CLTCL1: variants seen among roughly 807,000 people sequenced by gnomAD.
CLTCL1 encodes the protein clathrin heavy chain 2.
CLTCL1 carries 159 observed loss-of-function variants against 190.0 expected under a neutral mutation model. That is an observed-to-expected ratio of 0.84 (90% CI 0.74 to 0.95). The LOEUF (loss-of-function observed/expected upper bound fraction) is 0.95. Ranked by LOEUF, CLTCL1 falls within the 40% of genes least tolerant of loss-of-function variation. The pLI, the probability that CLTCL1 is intolerant of heterozygous loss-of-function variation, is 0.00. For missense variants in CLTCL1, 1,878 were observed against 2,033.4 expected (o/e 0.92, Z 1.47); for synonymous variants, 752 against 769.6 (o/e 0.98, Z 0.38).
intron 2 of CLTCL1, among the ~76,000 whole-genome samples, chr22:19,261,816 T>C (rs1195790048): frequency 1.3e-5 from 2 of 152,194 alleles, no homozygotes; most frequent in Non-Finnish European, 2.9e-5. Flanking sequence ...GTGAACACTG[T>C]TGAAATTACT....
Position 19,183,575 on chromosome 22 carries a change from C to T in CLTCL1, c.4642G>A (p.Glu1548Lys). 1 of 1,613,764 alleles carries T rather than the reference C, an allele frequency of 6.2e-7. No individual in the cohort carries two copies. The highest frequency in any genetic ancestry group is 8.5e-7 in the Non-Finnish European group (1 of 1,179,898). The part of the protein sequence containing the change: ...MQHAAESRDA[E>K]LAQKLLQWFL... Reference sequence around the variant, plus strand: ...CACTGCAGCAACTTCTGGGCCAGCTCAGCATCCCGCGACTCTGCAGCATGC... The same window carrying T: ...CACTGCAGCAACTTCTGGGCCAGCTTAGCATCCCGCGACTCTGCAGCATGC... The change falls in exon 30 of 33, where the codon GAG becomes AAG. Residue 1548 changes from glutamate (E) to lysine (K), a missense_variant. Transcript: ENST00000427926.
intron 2 of CLTCL1, among the ~76,000 whole-genome samples, chr22:19,269,632 G>A (rs2518860): frequency 0.062 from 9,401 of 152,192 alleles, 349 homozygotes; most frequent in Middle Eastern, 0.16. Flanking sequence ...GTCCTTTGCA[G>A]GGACATGGAT....
intron 27 of CLTCL1, among the ~76,000 whole-genome samples, 165 bp downstream of exon 27, chr22:19,191,139 G>A (rs1332976307): frequency 2.0e-5 from 3 of 152,194 alleles, no homozygotes; most frequent in Non-Finnish European, 2.9e-5. Context: ...AGCATGATAC[G>A]GGAGGTATTC....
intron 24 of CLTCL1, 45 bp downstream of exon 24, chr22:19,199,689 G>T: frequency 6.9e-7 from 1 of 1,448,100 alleles, no homozygotes; most frequent in South Asian, 1.3e-5. Flanking sequence ...GGAGTGTTTA[G>T]GCATCACTTG....
intron 19 of CLTCL1, among the ~76,000 whole-genome samples, chr22:19,211,819 ATTG>A (rs2085237670): frequency 6.6e-6 from 1 of 150,386 alleles, no homozygotes. Flanking sequence ...AGCCAACATG[ATTG>A]ATTAAAAAAA....
chr22:19,198,456 C>T lies in CLTCL1; in HGVS notation c.3873+1278G>A, dbSNP rs2084779224. The stretch of plus-strand genomic sequence containing the variant: ...CATCCCAAGTACAGCCCGTGACCTT[C>T]CTAACGGCCTGAGATCTGGCCCTCC... On this transcript the variant is annotated intron_variant, in intron 24 of 32. Coordinates refer to ENST00000427926, the MANE Select transcript of CLTCL1 (RefSeq NM_007098.4). The surrounding 1 kb of genome is among the most constrained non-coding windows in gnomAD (Gnocchi z 4.1). Among the ~76,000 whole-genome samples the T allele has an allele frequency of 6.6e-6, 1 of 152,220 alleles. No homozygotes were observed. Among genetic ancestry groups the T allele is most frequent in the South Asian group, 2.1e-4 (1 of 4,828 alleles).
intron 1 of CLTCL1, among the ~76,000 whole-genome samples, chr22:19,280,820 A>G (rs1201299763): frequency 1.0e-5 from 1 of 97,740 alleles, no homozygotes; most frequent in Non-Finnish European, 2.3e-5. Flanking sequence ...CTCCATCTCA[A>G]AAAAAAAAAA....
chr22:19,225,662 C>A (rs560295886), intron 12 of CLTCL1, 29 bp from the exon 13 acceptor site: 222 of 1,527,934 alleles, frequency 1.5e-4, no homozygotes, highest in Non-Finnish European at 1.8e-4. Context: ...CTGTCCACAA[C>A]GATGCACCAC....
At chr22:19,275,581 A>C (rs2087472743) in intron 2 of CLTCL1, 42 bp downstream of exon 2, 1 of 1,535,746 alleles carries the variant, frequency 6.5e-7, no homozygotes, top group African/African-American at 1.4e-5. Flanking sequence ...AAAGCAGTTA[A>C]AATGAGGTAA....
chr22:19,246,160 C>T (rs1017450449), intron 3 of CLTCL1, among the ~76,000 whole-genome samples: 4 of 150,870 alleles, frequency 2.7e-5, no homozygotes, highest in African/African-American at 7.3e-5. Flanking sequence ...CCCGGGTTCA[C>T]GCAATTCTCC....
intron 24 of CLTCL1, among the ~76,000 whole-genome samples, chr22:19,196,907 T>C (rs1020936805): frequency 9.2e-5 from 14 of 152,316 alleles, no homozygotes; most frequent in African/African-American, 2.9e-4. Context: ...CAAATTAGTA[T>C]TGCCAATTTT....
In CLTCL1 at chr22:19,233,642, T is replaced by G; in HGVS notation, c.1168-20A>C. The G allele has an allele frequency of 6.2e-7, 1 of 1,608,022 alleles. No homozygotes were observed. The highest frequency in any genetic ancestry group is 8.5e-7 in the Non-Finnish European group (1 of 1,176,184). ...GATTCCCTAATAATAAATGGAAAAA[T>G]AGGTCATTGTGTTGTAATCACAGGG... On this transcript the variant is annotated intron_variant, in intron 7 of 32. Transcript: ENST00000427926.
At chr22:19,246,461 C>T (rs2086422281) in intron 3 of CLTCL1, among the ~76,000 whole-genome samples, 1 of 151,862 alleles carries the variant, frequency 6.6e-6, no homozygotes, top group Non-Finnish European at 1.5e-5. Flanking sequence ...TTCTCCATAA[C>T]ATTGCCAACA....
chr22:19,180,771 C>T lies in CLTCL1; in HGVS notation c.4863G>A (p.Lys1621=), dbSNP rs1601413281. The T allele has an allele frequency of 3.7e-6, 6 of 1,613,832 alleles. No individual in the cohort carries two copies. Among genetic ancestry groups the T allele is most frequent in the Non-Finnish European group, 5.1e-6 (6 of 1,179,824 alleles). ...DKLDALESLR[K]QEEHVTEPAP... ...CAGGCTCTGTCACATGCTCCTCTTG[C>T]TTGCGCAGACTCTCCAAGGCATCCA... Residue 1621 remains lysine, a synonymous_variant, in exon 31 of 33, where the codon AAG becomes AAA. Coordinates refer to ENST00000427926, the MANE Select transcript of CLTCL1 (RefSeq NM_007098.4).
intron 2 of CLTCL1, among the ~76,000 whole-genome samples, chr22:19,270,806 A>T (rs1350206928): frequency 6.7e-6 from 1 of 149,312 alleles, no homozygotes. Flanking sequence ...AGAAAGATAT[A>T]AAAAAAAAAT....
chr22:19,280,256 G>T (rs577781104), intron 1 of CLTCL1, among the ~76,000 whole-genome samples: 2 of 151,902 alleles, frequency 1.3e-5, no homozygotes, highest in African/African-American at 4.8e-5. Context: ...GGCCTTCTTT[G>T]GATGCTGATT....
chr22:19,203,091 G>C (rs1232708990), intron 22 of CLTCL1, among the ~76,000 whole-genome samples: 4 of 152,190 alleles, frequency 2.6e-5, no homozygotes, highest in Non-Finnish European at 5.9e-5. Context: ...GAGGCAGGTG[G>C]ATCACCTGAG....
chr22:19,221,559 C>A lies in CLTCL1; in HGVS notation c.2614G>T (p.Glu872Ter). 1 of 1,602,866 alleles carries A rather than the reference C, an allele frequency of 6.2e-7. No homozygotes were observed. ...LESQIQEGCE[E>*]PATHNALAKI... Reference sequence around the variant, plus strand: ...GCCAGTGCATTGTGAGTGGCAGGCTCCTCACAGCCTTCCTGAATCTGGGAC... The same window carrying A: ...GCCAGTGCATTGTGAGTGGCAGGCTACTCACAGCCTTCCTGAATCTGGGAC... Residue 872 changes from glutamate to a stop codon, truncating the protein, a stop_gained, in exon 17 of 33, where the codon GAG (glutamate) becomes TAG (stop). Transcript: ENST00000427926. LOFTEE classifies it high-confidence loss of function.
chr22:19,291,089 T>C (rs1411770236), intron 1 of CLTCL1, among the ~76,000 whole-genome samples: 1 of 151,908 alleles, frequency 6.6e-6, no homozygotes, highest in Admixed American at 6.5e-5. Flanking sequence ...GCTTTGGGGG[T>C]GTTACTGCAT....
Sources: allele counts gnomAD v4.1 joint callset (sites outside exome capture counted in the v4.1 genomes callset), GRCh38; gene constraint gnomAD v4.1.1; non-coding constraint Gnocchi (gnomAD v3.1); transcripts MANE v1.5; gene names NCBI Gene and HGNC (gene_info 2026-07-23, HGNC 2026-07-21).